The following NPFFR2 variants were observed in gnomAD, a reference collection of about 807,000 sequenced individuals.
NPFFR2 encodes neuropeptide FF receptor 2.
In NPFFR2, 15 loss-of-function variants were observed where a neutral mutation model predicts 13.1. That is an observed-to-expected ratio of 1.15 (90% confidence interval 0.77 to 1.76). The LOEUF (loss-of-function observed/expected upper bound fraction) is 1.76. Among genes scored for constraint, NPFFR2 ranks in the 40% most tolerant of loss-of-function variants. NPFFR2 has a pLI of 0.00. For synonymous variants in NPFFR2, 190 were observed against 175.7 expected (o/e 1.08, Z -0.65); for missense variants, 572 against 503.5 (o/e 1.14, Z -1.30).
chr4:72,116,539 A>G (rs1721718669), intron 1 of NPFFR2, among the ~76,000 whole-genome samples: 1 of 152,214 alleles, frequency 6.6e-6, no homozygotes, highest in African/African-American at 2.4e-5. Context: ...CATGCAACAA[A>G]TCTGCACACG....
chr4:72,089,670 AT>A (rs1187871575), intron 1 of NPFFR2, among the ~76,000 whole-genome samples: 5 of 150,788 alleles, frequency 3.3e-5, no homozygotes, highest in Admixed American at 3.3e-4. Flanking sequence ...TTATGATGGG[AT>A]TTTTTTCTTA....
intron 1 of NPFFR2, among the ~76,000 whole-genome samples, chr4:72,123,443 C>A (rs1721948488): frequency 6.6e-6 from 1 of 152,168 alleles, no homozygotes; most frequent in Non-Finnish European, 1.5e-5. Flanking sequence ...GATACCAAAA[C>A]CTGGCAGAGA....
intron 1 of NPFFR2, 23 bp from the exon 2 acceptor site, chr4:72,128,562 T>A (rs573209191): frequency 6.8e-7 from 1 of 1,464,934 alleles, no homozygotes; most frequent in Admixed American, 2.1e-5. Flanking sequence ...TATGTTTTTC[T>A]TTTCTGTCTC....
chr4:72,040,217 A>G (rs1361252438), intron 1 of NPFFR2, among the ~76,000 whole-genome samples: 2 of 152,130 alleles, frequency 1.3e-5, no homozygotes, highest in Non-Finnish European at 2.9e-5. Flanking sequence ...GTTGATTAAT[A>G]TGATTTTTTC....
At chr4:72,094,250 G>A (rs754589969) in intron 1 of NPFFR2, among the ~76,000 whole-genome samples, 1 of 152,166 alleles carries the variant, frequency 6.6e-6, no homozygotes, top group Non-Finnish European at 1.5e-5. Flanking sequence ...GGAGTGAAGT[G>A]GACTCCATGA....
Position 72,044,751 on chromosome 4 carries a change from T to A in NPFFR2, c.-8+12551T>A, listed in dbSNP as rs13116641. 1.2e-3 allele frequency among the ~76,000 whole-genome samples: 5 copies of A among 4,346 alleles called. No individual in the cohort carries two copies. The South Asian group carries it at 0.037, about 32-fold the overall frequency. The allele number at this position is 4,346 out of a possible 152,430, so 2.9% of individuals were successfully genotyped here. A position where few individuals can be genotyped will look rare whatever the true frequency, so the allele number is the denominator to read the frequency against. Reference sequence around the variant, plus strand: ...TCCACTTTTTACTGGGATTATTATTTTTTTTTCTGTGGAGTTGTTTCATTC... The same window carrying A: ...TCCACTTTTTACTGGGATTATTATTATTTTTTCTGTGGAGTTGTTTCATTC... On this transcript the variant is annotated intron_variant, in intron 1 of 3. Coordinates refer to ENST00000308744, the MANE Select transcript of NPFFR2 (RefSeq NM_004885.3).
At chr4:72,097,663 G>T (rs1439949032) in intron 1 of NPFFR2, among the ~76,000 whole-genome samples, 1 of 152,048 alleles carries the variant, frequency 6.6e-6, no homozygotes. Flanking sequence ...ACATCTAGAA[G>T]AAAAATCACA....
intron 1 of NPFFR2, among the ~76,000 whole-genome samples, chr4:72,085,777 A>G (rs1011874139): frequency 1.3e-5 from 2 of 152,180 alleles, no homozygotes; most frequent in Non-Finnish European, 2.9e-5. Flanking sequence ...ACTCTTCAGC[A>G]CATGATTTTT....
rs142322879 is a variant in NPFFR2, at chr4:72,112,522, A to G, written c.-7-16063A>G. Among the ~76,000 whole-genome samples, 6 of 152,074 alleles carry G rather than the reference A, an allele frequency of 3.9e-5. No individual in the cohort carries two copies. In the East Asian group the frequency reaches 1.2e-3, roughly 30 times the overall value. On this transcript the variant is annotated intron_variant, in intron 1 of 3. Coordinates refer to ENST00000308744, the MANE Select transcript of NPFFR2 (RefSeq NM_004885.3). ...CTCCTAAATATTCCCTTGGTTTCCC[A>G]TTACATAAGGAGAACAGGAGACAGA... is the stretch of plus-strand genomic sequence containing the variant.
intron 1 of NPFFR2, among the ~76,000 whole-genome samples, chr4:72,080,138 T>G (rs2109792015): frequency 2.9e-5 from 1 of 34,168 alleles, no homozygotes. Flanking sequence ...ATACCTGTTT[T>G]TTGTTGTTGT....
At chr4:72,117,538 C>A (rs1442924704) in intron 1 of NPFFR2, among the ~76,000 whole-genome samples, 1 of 152,200 alleles carries the variant, frequency 6.6e-6, no homozygotes, top group Non-Finnish European at 1.5e-5. Context: ...TGTAAGCTCA[C>A]TCCAGAACAC....
intron 1 of NPFFR2, among the ~76,000 whole-genome samples, chr4:72,062,463 A>G (rs1381342230): frequency 6.6e-6 from 1 of 151,996 alleles, no homozygotes; most frequent in Non-Finnish European, 1.5e-5. Flanking sequence ...TCACAAATTG[A>G]CTTTATAATT....
Position 72,128,712 on chromosome 4 carries a change from C to T in NPFFR2, c.121C>T (p.Gln41Ter), listed in dbSNP as rs1398489127. Residue 41 changes from glutamine to a stop codon, truncating the protein, a stop_gained, in exon 2 of 4, where the codon CAG (glutamine) becomes TAG (stop). Coordinates refer to ENST00000308744, the MANE Select transcript of NPFFR2 (RefSeq NM_004885.3). LOFTEE classifies it high-confidence loss of function. The stretch of plus-strand genomic sequence containing the variant: ...TACCTATGTGAACTACTATCTTCAC[C>T]AGCCTCAAGTGGCAGCAATCTTCAT... ...NITYVNYYLH[Q>*]PQVAAIFIIS... The T allele has an allele frequency of 1.2e-6, 2 of 1,614,014 alleles. No homozygotes were observed. The highest frequency in any genetic ancestry group is 1.7e-6 in the Non-Finnish European group (2 of 1,179,992).
chr4:72,137,093 T>C (rs1722440614), intron 2 of NPFFR2, among the ~76,000 whole-genome samples: 1 of 152,168 alleles, frequency 6.6e-6, no homozygotes, highest in Non-Finnish European at 1.5e-5. Context: ...AGACATTCTC[T>C]TTTAGTTTCC....
At chr4:72,132,880 A>T (rs1722296599) in intron 2 of NPFFR2, among the ~76,000 whole-genome samples, 1 of 152,146 alleles carries the variant, frequency 6.6e-6, no homozygotes, top group Admixed American at 6.5e-5. Flanking sequence ...AGTTCCTTTT[A>T]GATGCTGGAT....
chr4:72,142,314 G>A (rs1043191987), intron 3 of NPFFR2, among the ~76,000 whole-genome samples: 5 of 151,886 alleles, frequency 3.3e-5, no homozygotes, highest in African/African-American at 4.8e-5. Context: ...AGAGTGTCCC[G>A]ATTTTCCAGG....
chr4:72,144,879 C>G (rs1381128337), intron 3 of NPFFR2, among the ~76,000 whole-genome samples: 1 of 152,196 alleles, frequency 6.6e-6, no homozygotes, highest in African/African-American at 2.4e-5. Flanking sequence ...GGCCACTGCC[C>G]TTTGCCACTT....
At chr4:72,144,088 T>A (rs2109849496) in intron 3 of NPFFR2, among the ~76,000 whole-genome samples, 1 of 152,308 alleles carries the variant, frequency 6.6e-6, no homozygotes, top group African/African-American at 2.4e-5. Flanking sequence ...ATTTAGAAAG[T>A]ACAGCTTGTC....
intron 1 of NPFFR2, among the ~76,000 whole-genome samples, chr4:72,100,260 A>G (rs1437938566): frequency 2.0e-5 from 3 of 152,096 alleles, no homozygotes; most frequent in Non-Finnish European, 4.4e-5. Context: ...TAAGACAAGA[A>G]CTCAAGAATT....
Sources: allele counts gnomAD v4.1 joint callset (sites outside exome capture counted in the v4.1 genomes callset), GRCh38; gene constraint gnomAD v4.1.1; transcripts MANE v1.5; gene names NCBI Gene and HGNC (gene_info 2026-07-23, HGNC 2026-07-21).